Variants in HS3ST4 observed in about 807,000 individuals in gnomAD.
HS3ST4 encodes the protein heparan sulfate-glucosamine 3-sulfotransferase 4, also known as heparan sulfate glucosamine 3-O-sulfotransferase 4.
HS3ST4 carries 17 observed loss-of-function variants against 29.2 expected under a neutral mutation model. That is an observed-to-expected ratio of 0.58 (90% CI 0.40 to 0.87). HS3ST4 has a LOEUF of 0.87. Among genes scored for constraint, HS3ST4 ranks in the 40% least tolerant of loss-of-function variants. The pLI is 0.00. For synonymous variants in HS3ST4, 314 were observed against 285.7 expected (o/e 1.10, Z -1.00); for missense variants, 627 against 634.5 (o/e 0.99, Z 0.13).
intron 1 of HS3ST4, among the ~76,000 whole-genome samples, chr16:25,843,332 C>T (rs958650961): frequency 6.6e-6 from 1 of 152,142 alleles, no homozygotes; most frequent in Non-Finnish European, 1.5e-5. Flanking sequence ...GGGATTCTTA[C>T]AGCATGATGG....
At chr16:26,023,305 A>G (rs1276770540) in intron 1 of HS3ST4, among the ~76,000 whole-genome samples, 1 of 151,744 alleles carries the variant, frequency 6.6e-6, no homozygotes, top group Admixed American at 6.6e-5. Flanking sequence ...TTATATATAT[A>G]TATATATTTC....
intron 1 of HS3ST4, among the ~76,000 whole-genome samples, chr16:26,084,870 A>T (rs771355524): frequency 2.0e-5 from 3 of 152,010 alleles, no homozygotes; most frequent in African/African-American, 4.8e-5. Context: ...TCAGCCTCCC[A>T]AAGTGCAGGG....
Position 25,734,432 on chromosome 16 carries a change from G to A in HS3ST4, c.734+41281G>A, listed in dbSNP as rs553978724. ...CCAGAGAGGCATTGCGTGAATGTGA[G>A]TGTGTAGACTTGGGCAGAGCTAGGA... On this transcript the variant is annotated intron_variant, in intron 1 of 1. Coordinates refer to ENST00000331351, the MANE Select transcript of HS3ST4 (RefSeq NM_006040.3). Among the ~76,000 whole-genome samples the A allele has an allele frequency of 2.0e-5, 3 of 152,324 alleles. No individual in the cohort carries two copies. In the South Asian group the frequency reaches 6.2e-4, roughly 32 times the overall value.
chr16:25,719,123 C>T (rs1966476580), intron 1 of HS3ST4, among the ~76,000 whole-genome samples: 1 of 152,170 alleles, frequency 6.6e-6, no homozygotes, highest in Admixed American at 6.5e-5. Flanking sequence ...TATGTCTTAA[C>T]ATCGTGAGAG....
chr16:25,791,100 T>G (rs1346657832), intron 1 of HS3ST4, among the ~76,000 whole-genome samples: 1 of 152,174 alleles, frequency 6.6e-6, no homozygotes, highest in Non-Finnish European at 1.5e-5. Flanking sequence ...ATCTTTTTTT[T>G]TTCTGATGGG....
intron 1 of HS3ST4, among the ~76,000 whole-genome samples, chr16:25,923,014 AAC>A (rs1968369180): frequency 6.6e-6 from 1 of 152,214 alleles, no homozygotes; most frequent in Non-Finnish European, 1.5e-5. Context: ...CTCTGATGAA[AAC>A]ACAGTTGTTT....
At chr16:25,867,383 G>T (rs1967706702) in intron 1 of HS3ST4, among the ~76,000 whole-genome samples, 1 of 152,134 alleles carries the variant, frequency 6.6e-6, no homozygotes, top group African/African-American at 2.4e-5. Context: ...TGGAAGGGGA[G>T]AAATTAGGTC....
intron 1 of HS3ST4, among the ~76,000 whole-genome samples, chr16:26,121,634 G>A (rs541560239): frequency 6.6e-6 from 1 of 152,268 alleles, no homozygotes; most frequent in South Asian, 2.1e-4. Flanking sequence ...AGCTCAGAGT[G>A]GAGTGTGAGG....
intron 1 of HS3ST4, among the ~76,000 whole-genome samples, chr16:25,988,960 A>G (rs1251039489): frequency 6.6e-6 from 1 of 152,230 alleles, no homozygotes; most frequent in African/African-American, 2.4e-5. Context: ...GTTAAATTTC[A>G]CAGAGTTTAA....
intron 1 of HS3ST4, among the ~76,000 whole-genome samples, chr16:25,704,997 C>T (rs1488435016): frequency 2.0e-5 from 3 of 152,060 alleles, no homozygotes; most frequent in Non-Finnish European, 1.5e-5. Flanking sequence ...GCTGGGATTA[C>T]CTGTGAGCCA....
intron 1 of HS3ST4, among the ~76,000 whole-genome samples, chr16:25,851,194 A>G (rs999002128): frequency 1.3e-5 from 2 of 152,092 alleles, no homozygotes; most frequent in African/African-American, 2.4e-5. Flanking sequence ...GGACGTTTAG[A>G]TTATATGTTT....
intron 1 of HS3ST4, among the ~76,000 whole-genome samples, chr16:25,972,423 C>G (rs979957008): frequency 1.3e-5 from 2 of 152,202 alleles, no homozygotes; most frequent in Admixed American, 6.5e-5. Context: ...TATTTTAGAG[C>G]TTGAAGCAGA....
intron 1 of HS3ST4, among the ~76,000 whole-genome samples, chr16:26,133,248 C>A (rs1016187874): frequency 9.2e-5 from 14 of 152,126 alleles, no homozygotes; most frequent in Admixed American, 9.2e-4. Context: ...AAGTGATTTA[C>A]CTGCATTATG....
At chr16:25,959,469 C>G (rs1286450095) in intron 1 of HS3ST4, among the ~76,000 whole-genome samples, 1 of 152,070 alleles carries the variant, frequency 6.6e-6, no homozygotes, top group East Asian at 1.9e-4. Context: ...TCTTGTGAAC[C>G]CCATAGGGGT....
At chr16:26,066,190 T>G (rs1898540162) in intron 1 of HS3ST4, among the ~76,000 whole-genome samples, 1 of 152,224 alleles carries the variant, frequency 6.6e-6, no homozygotes, top group Non-Finnish European at 1.5e-5. Context: ...CATGAACACC[T>G]GTATGTGGGG....
Position 26,137,191 on chromosome 16 carries a change from A to G in HS3ST4, c.*943A>G, listed in dbSNP as rs1347919938. ...TCTCCCAAGCACTGTAGTTCTGAGCATGTTTTTGGGGTGGACTCTGTCCCC... is the reference window on the plus strand; with the variant it reads ...TCTCCCAAGCACTGTAGTTCTGAGCGTGTTTTTGGGGTGGACTCTGTCCCC... On this transcript the variant is annotated 3_prime_UTR_variant, in exon 2 of 2. Coordinates refer to ENST00000331351, the MANE Select transcript of HS3ST4 (RefSeq NM_006040.3). The G allele has an allele frequency of 6.6e-6, 1 of 152,092 alleles. No homozygotes were observed. Among genetic ancestry groups the G allele is most frequent in the Non-Finnish European group, 1.5e-5 (1 of 68,024 alleles). The allele number at this position is 152,092 out of a possible 1,614,324, so 9.4% of individuals were successfully genotyped here.
At chr16:26,054,018 C>T (rs1014908573) in intron 1 of HS3ST4, among the ~76,000 whole-genome samples, 4 of 152,128 alleles carry the variant, frequency 2.6e-5, no homozygotes, top group Non-Finnish European at 5.9e-5. Context: ...GAAAGCTTAG[C>T]AGAAAATGCA....
At chr16:25,981,218 G>T (rs1205585632) in intron 1 of HS3ST4, among the ~76,000 whole-genome samples, 1 of 152,006 alleles carries the variant, frequency 6.6e-6, no homozygotes, top group African/African-American at 2.4e-5. Flanking sequence ...TTAGCCAGGC[G>T]TGGTGACGCT....
rs886478752 is a variant in HS3ST4, at chr16:25,958,732, A to G, written c.735-176880A>G. ...CTCATTCACAGGCTGACAAACCAGT[A>G]CTGGCTTTCAGCTGGGAGCTCAGTT... On this transcript the variant is annotated intron_variant, in intron 1 of 1. Transcript: ENST00000331351. Among the ~76,000 whole-genome samples the G allele has an allele frequency of 2.6e-5, 4 of 152,216 alleles. No homozygotes were observed. In the East Asian group the frequency reaches 7.7e-4, roughly 29 times the overall value.
Sources: allele counts gnomAD v4.1 joint callset (sites outside exome capture counted in the v4.1 genomes callset), GRCh38; gene constraint gnomAD v4.1.1; transcripts MANE v1.5; gene names NCBI Gene and HGNC (gene_info 2026-07-23, HGNC 2026-07-21).